Variants in SLIT3 observed in about 807,000 individuals in gnomAD.
SLIT3 encodes slit guidance ligand 3.
A neutral mutation model predicts 184.0 loss-of-function variants in SLIT3; 68 were observed. The observed-to-expected ratio is 0.37, with a 90% CI of 0.30 to 0.45. The LOEUF (loss-of-function observed/expected upper bound fraction) is 0.45. SLIT3 is among the 20% of genes least tolerant of loss of function. The probability of loss-of-function intolerance (pLI) is 1.00; values close to 1 mark genes in which losing one functional copy is unlikely to be tolerated. For synonymous variants in SLIT3, 831 were observed against 828.6 expected (o/e 1.00, Z -0.05); for missense variants, 1,707 against 2,026.0 (o/e 0.84, Z 3.02).
rs114248208 is a variant in SLIT3 at position 169,261,721 on chromosome 5, T to C, written c.198-10262A>G. ...TGAATGCCGCAGACAGATTCTAAGG[T>C]GGTCCCCAGTATCAACACCTTCCCC... is the stretch of plus-strand genomic sequence containing the variant. On this transcript the variant is annotated intron_variant, in intron 1 of 35. Transcript: ENST00000519560. 3.7e-3 allele frequency among the ~76,000 whole-genome samples: 557 copies of C among 152,236 alleles called. 2 individuals carry two copies. The highest frequency in any genetic ancestry group is 0.013 in the African/African-American group (537 of 41,532).
chr5:169,215,375 T>C (rs1435592847), intron 3 of SLIT3, among the ~76,000 whole-genome samples: 1 of 152,200 alleles, frequency 6.6e-6, no homozygotes, highest in Non-Finnish European at 1.5e-5. Context: ...TCCTGTCTAC[T>C]CCCAGAGTCC....
chr5:168,983,022 G>A (rs767628740), intron 4 of SLIT3, among the ~76,000 whole-genome samples: 4 of 152,132 alleles, frequency 2.6e-5, no homozygotes, highest in Non-Finnish European at 4.4e-5. Flanking sequence ...GAATAATCAT[G>A]TATTTTCCCA....
chr5:168,977,644 T>C (rs934705763), intron 4 of SLIT3, among the ~76,000 whole-genome samples: 7 of 152,210 alleles, frequency 4.6e-5, no homozygotes, highest in African/African-American at 7.2e-5. Context: ...TGTTGAGCAA[T>C]TGCTGCTCTC....
intron 33 of SLIT3, among the ~76,000 whole-genome samples, chr5:168,672,257 G>A (rs944120200): frequency 2.0e-5 from 3 of 152,106 alleles, no homozygotes; most frequent in Admixed American, 1.3e-4. Flanking sequence ...CCTCGGCACA[G>A]AGCTTTCCCT....
intron 1 of SLIT3, among the ~76,000 whole-genome samples, chr5:169,277,826 A>G (rs1330639143): frequency 6.6e-6 from 1 of 152,162 alleles, no homozygotes; most frequent in African/African-American, 2.4e-5. Flanking sequence ...TTTTTAAGAA[A>G]CTGCCTTACT....
Position 168,717,692 on chromosome 5 carries a change from G to A in SLIT3, c.2483+4564C>T, listed in dbSNP as rs151052359. Among the ~76,000 whole-genome samples the A allele has an allele frequency of 5.3e-5, 8 of 150,978 alleles. No homozygotes were observed. The East Asian group carries it at 1.2e-3, about 22-fold the overall frequency. On this transcript the variant is annotated intron_variant, in intron 23 of 35. Transcript: ENST00000519560. ...CTTTTTTTTTTTGAGACCGAATCTC[G>A]CTCTGTGGCCAAGGCTGGAGTGCAG...
At chr5:168,882,536 G>A (rs1175151501) in intron 5 of SLIT3, among the ~76,000 whole-genome samples, 1 of 152,184 alleles carries the variant, frequency 6.6e-6, no homozygotes, top group African/African-American at 2.4e-5. Context: ...GTGAGCACAC[G>A]TGGAGCTGTG....
chr5:169,046,622 C>T (rs1482351162), intron 4 of SLIT3, among the ~76,000 whole-genome samples: 1 of 152,166 alleles, frequency 6.6e-6, no homozygotes, highest in Non-Finnish European at 1.5e-5. Flanking sequence ...CCTTGCCTTG[C>T]ACCAAAAACA....
intron 4 of SLIT3, among the ~76,000 whole-genome samples, chr5:169,103,348 G>A (rs943600165): frequency 2.0e-5 from 3 of 152,196 alleles, no homozygotes; most frequent in African/African-American, 7.2e-5. Context: ...TCCAGGCAAT[G>A]TTATAGCCTC....
intron 6 of SLIT3, among the ~76,000 whole-genome samples, chr5:168,825,805 CT>C (rs1326801471): frequency 6.6e-6 from 1 of 152,216 alleles, no homozygotes; most frequent in Non-Finnish European, 1.5e-5. Flanking sequence ...AGGGAGCTTC[CT>C]GGGGGTGAGG....
chr5:168,879,421 T>C (rs1025645538), intron 5 of SLIT3, among the ~76,000 whole-genome samples: 3 of 152,214 alleles, frequency 2.0e-5, no homozygotes, highest in African/African-American at 7.2e-5. Context: ...TTAGCAGGTT[T>C]TATAGAAATT....
chr5:169,004,086 ATTTTC>A (rs1755820823), intron 4 of SLIT3, among the ~76,000 whole-genome samples: 1 of 151,724 alleles, frequency 6.6e-6, no homozygotes, highest in Admixed American at 6.6e-5. Context: ...TCTGTTTTTA[ATTTTC>A]TTCATGGGTG....
In SLIT3 at chr5:168,663,883, T is replaced by C. The variant is rs560882666; in HGVS notation, c.*2571A>G. ...AAGAGCTCCTTGTGTAATAAGGCAA[T>C]TGTCCATTTTTATGACTGTTTTTGT... On this transcript the variant is annotated 3_prime_UTR_variant, in exon 36 of 36. Transcript: ENST00000519560. The C allele has an allele frequency of 6.6e-6, 1 of 152,372 alleles. No individual in the cohort carries two copies. The highest frequency in any genetic ancestry group is 2.4e-5 in the African/African-American group (1 of 41,592). The allele number at this position is 152,372 out of a possible 1,614,324, so 9.4% of individuals were successfully genotyped here.
intron 4 of SLIT3, among the ~76,000 whole-genome samples, chr5:169,154,371 G>A (rs1050097219): frequency 6.6e-6 from 1 of 152,110 alleles, no homozygotes; most frequent in African/African-American, 2.4e-5. Context: ...TGGCTCCTTG[G>A]CCATACCCTG....
At chr5:168,736,009 C>T (rs1763424845) in intron 20 of SLIT3, among the ~76,000 whole-genome samples, 1 of 152,180 alleles carries the variant, frequency 6.6e-6, no homozygotes, top group Non-Finnish European at 1.5e-5. Context: ...AAAACATGTT[C>T]TTTCTACTCT....
intron 20 of SLIT3, among the ~76,000 whole-genome samples, chr5:168,733,656 AT>A (rs1460133543): frequency 5.9e-5 from 9 of 152,162 alleles, no homozygotes; most frequent in Non-Finnish European, 1.3e-4. Context: ...AAGGGAGAGC[AT>A]TAGGACAAAT....
At chr5:168,806,418 G>A in intron 9 of SLIT3, 28 bp downstream of exon 9, 1 of 1,613,802 alleles carries the variant, frequency 6.2e-7, no homozygotes, top group South Asian at 1.1e-5. Context: ...GGCGACAGTT[G>A]TTGGGGGTGT....
intron 34 of SLIT3, 76 bp downstream of exon 34, chr5:168,671,122 C>T (rs1761225085): frequency 6.6e-7 from 1 of 1,505,440 alleles, no homozygotes; most frequent in South Asian, 1.2e-5. Flanking sequence ...CCAGTAGTGC[C>T]TATTTCTCAG....
At chr5:168,898,863 T>C (rs1321045279) in intron 4 of SLIT3, among the ~76,000 whole-genome samples, 1 of 152,132 alleles carries the variant, frequency 6.6e-6, no homozygotes, top group East Asian at 1.9e-4. Context: ...TTTAATAACA[T>C]GCAACCAGAG....
Sources: gnomAD v4.1 joint callset for allele counts (sites outside exome capture counted in the v4.1 genomes callset) on GRCh38, gnomAD v4.1.1 for gene constraint, MANE v1.5 for transcripts, NCBI Gene and HGNC (gene_info 2026-07-23, HGNC 2026-07-21) for gene names.